The following TNRC6B variants were observed in gnomAD, a reference collection of about 807,000 sequenced individuals.
The protein encoded by TNRC6B is trinucleotide repeat containing adaptor 6B, also known as trinucleotide repeat-containing gene 6B protein.
A neutral mutation model predicts 203.6 loss-of-function variants in TNRC6B; 52 were observed. The observed-to-expected ratio is 0.26, with a 90% CI of 0.20 to 0.32. The LOEUF is 0.32. Among genes scored for constraint, TNRC6B ranks in the 10% least tolerant of loss-of-function variants. The probability of loss-of-function intolerance (pLI) is 1.00; values close to 1 mark genes in which losing one functional copy is unlikely to be tolerated. For missense variants in TNRC6B, 1,923 were observed against 2,286.2 expected, an observed-to-expected ratio of 0.84 and a Z score of 3.24; for synonymous variants, 838 against 845.7, an observed-to-expected ratio of 0.99 and a Z score of 0.16.
At chr22:40,134,222 T>C (rs2068578803) in intron 3 of TNRC6B, among the ~76,000 whole-genome samples, 1 of 152,164 alleles carries the variant, frequency 6.6e-6, no homozygotes, top group African/African-American at 2.4e-5. Flanking sequence ...AGTCAGGCAA[T>C]CAAGTCAACA....
chr22:40,307,366 G>C (rs1488585036), intron 15 of TNRC6B, among the ~76,000 whole-genome samples: 1 of 152,172 alleles, frequency 6.6e-6, no homozygotes, highest in African/African-American at 2.4e-5. Flanking sequence ...TGGGAGGCTT[G>C]CTCGCCTCCC....
At chr22:40,132,969 A>AAATATATATATATAT (rs1282694632) in intron 3 of TNRC6B, among the ~76,000 whole-genome samples, 8 of 78,190 alleles carry the variant, frequency 1.0e-4, no homozygotes, top group African/African-American at 2.8e-4. Flanking sequence ...AAAAAAAAAA[A>AAATATATATATATAT]ATATATATAT....
intron 1 of TNRC6B, among the ~76,000 whole-genome samples, chr22:40,197,497 C>G (rs1156924905): frequency 6.6e-6 from 1 of 151,864 alleles, no homozygotes; most frequent in Non-Finnish European, 1.5e-5. Flanking sequence ...CTATGTTGGC[C>G]AGGCTGTTCT....
chr22:40,319,847 T>TG (rs2071312208), intron 21 of TNRC6B, among the ~76,000 whole-genome samples: 1 of 152,208 alleles, frequency 6.6e-6, no homozygotes, highest in South Asian at 2.1e-4. Context: ...AGGCCTCCAC[T>TG]GGGGGGCCTT....
intron 3 of TNRC6B, among the ~76,000 whole-genome samples, chr22:40,131,220 G>A (rs2068542304): frequency 1.3e-5 from 2 of 151,964 alleles, no homozygotes; most frequent in Admixed American, 1.3e-4. Context: ...TGCCCAGCGC[G>A]GTATAGAAGT....
At chr22:40,057,467 A>C (rs2067810002) in intron 1 of TNRC6B, among the ~76,000 whole-genome samples, 1 of 151,614 alleles carries the variant, frequency 6.6e-6, no homozygotes, top group Non-Finnish European at 1.5e-5. Context: ...CTAATTTTGT[A>C]TTTTTAGTAG....
At chr22:40,168,080 G>A (rs2068936963) in intron 4 of TNRC6B, among the ~76,000 whole-genome samples, 1 of 152,060 alleles carries the variant, frequency 6.6e-6, no homozygotes, top group Non-Finnish European at 1.5e-5. Context: ...TTTCAAACTG[G>A]TCTCTCTTAG....
chr22:40,305,402 G>A (rs2071076162), intron 15 of TNRC6B, among the ~76,000 whole-genome samples: 1 of 152,188 alleles, frequency 6.6e-6, no homozygotes, highest in Admixed American at 6.5e-5. Context: ...TTGCTGTAGT[G>A]GAAAGTACAA....
intron 12 of TNRC6B, among the ~76,000 whole-genome samples, chr22:40,288,385 G>C (rs1296580309): frequency 6.6e-6 from 1 of 152,146 alleles, no homozygotes; most frequent in Non-Finnish European, 1.5e-5. Context: ...AGATTTTTCA[G>C]CTGAGTAGTG....
intron 1 of TNRC6B, among the ~76,000 whole-genome samples, chr22:40,090,322 C>G (rs577562099): frequency 1.3e-5 from 2 of 152,062 alleles, no homozygotes; most frequent in South Asian, 4.2e-4. Flanking sequence ...ATTCCTGTTT[C>G]TCCATGTCGT....
At chr22:40,213,439 G>A (rs1601888980) in intron 1 of TNRC6B, among the ~76,000 whole-genome samples, 1 of 152,230 alleles carries the variant, frequency 6.6e-6, no homozygotes, top group South Asian at 2.1e-4. Context: ...AGAACAAGTG[G>A]GGTCAGGCCC....
At chr22:40,190,254 T>C (rs2069254497) in intron 1 of TNRC6B, among the ~76,000 whole-genome samples, 1 of 152,220 alleles carries the variant, frequency 6.6e-6, no homozygotes, top group South Asian at 2.1e-4. Flanking sequence ...TGTGAGCAGA[T>C]AACCATTCTA....
chr22:40,240,006 T>G (rs2146462323), intron 1 of TNRC6B, among the ~76,000 whole-genome samples: 1 of 152,208 alleles, frequency 6.6e-6, no homozygotes, highest in South Asian at 2.1e-4. Context: ...AATTTTTTTG[T>G]ATTTTTAGTA....
intron 1 of TNRC6B, among the ~76,000 whole-genome samples, chr22:40,090,932 C>G (rs528266600): frequency 6.6e-6 from 1 of 152,168 alleles, no homozygotes; most frequent in African/African-American, 2.4e-5. Context: ...AAAGAACATA[C>G]AAGAGAAGAC....
intron 12 of TNRC6B, among the ~76,000 whole-genome samples, chr22:40,298,274 T>TA (rs2070972666): frequency 6.6e-6 from 1 of 152,244 alleles, no homozygotes; most frequent in South Asian, 2.1e-4. Context: ...AATCAGGAGT[T>TA]ACAATCACCA....
chr22:40,075,444 G>A (rs763083798), intron 1 of TNRC6B, among the ~76,000 whole-genome samples: 6 of 151,260 alleles, frequency 4.0e-5, no homozygotes, highest in Non-Finnish European at 5.9e-5. Flanking sequence ...TATTAATATG[G>A]TCACTCCAGC....
At chr22:40,288,988 A>G (rs1241103739) in intron 12 of TNRC6B, among the ~76,000 whole-genome samples, 1 of 150,912 alleles carries the variant, frequency 6.6e-6, no homozygotes, top group Non-Finnish European at 1.5e-5. Flanking sequence ...TAATTTTTGT[A>G]TTTTTAGTAG....
intron 3 of TNRC6B, among the ~76,000 whole-genome samples, chr22:40,141,747 GT>G (rs1192045111): frequency 6.6e-6 from 1 of 150,406 alleles, no homozygotes; most frequent in East Asian, 2.0e-4. Context: ...GGTCCCAGCT[GT>G]TTTTTTCTTG....
chr22:40,118,152 G>A (rs560528005), intron 2 of TNRC6B, among the ~76,000 whole-genome samples: 1 of 152,254 alleles, frequency 6.6e-6, no homozygotes, highest in South Asian at 2.1e-4. Flanking sequence ...CCTTTGCTAG[G>A]CTTATGTGCC....
Sources: gnomAD v4.1 joint callset for allele counts (sites outside exome capture counted in the v4.1 genomes callset) on GRCh38, gnomAD v4.1.1 for gene constraint, MANE v1.5 for transcripts, NCBI Gene and HGNC (gene_info 2026-07-23, HGNC 2026-07-21) for gene names.